SPRYD3: variants seen among roughly 807,000 people sequenced by gnomAD.
SPRYD3 encodes the protein SPRY domain-containing protein 3.
In SPRYD3, 17 loss-of-function variants were observed where a neutral mutation model predicts 50.1. The observed-to-expected ratio is 0.34, with a 90% CI of 0.23 to 0.51. The LOEUF (loss-of-function observed/expected upper bound fraction) is 0.51. Among genes scored for constraint, SPRYD3 ranks in the 20% least tolerant of loss-of-function variants. SPRYD3 has a pLI of 0.97. For synonymous variants in SPRYD3, 198 were observed against 215.5 expected, an observed-to-expected ratio of 0.92 and a Z score of 0.71; for missense variants, 401 against 591.2, an observed-to-expected ratio of 0.68 and a Z score of 3.34.
intron 5 of SPRYD3, among the ~76,000 whole-genome samples, chr12:53,073,843 CAA>C (rs1179115235): frequency 3.3e-4 from 21 of 63,574 alleles, no homozygotes; most frequent in Admixed American, 9.2e-4. Context: ...GACTCCATTT[CAA>C]AAAAAAAAAA....
chr12:53,066,085 G>T, intron 10 of SPRYD3, 119 bp from the exon 11 acceptor site: 1 of 1,423,570 alleles, frequency 7.0e-7, no homozygotes, highest in Non-Finnish European at 9.6e-7. Context: ...CTGGAGAGGG[G>T]CAGTTAAGGT....
chr12:53,072,415 C>G, intron 6 of SPRYD3, among the ~76,000 whole-genome samples: 1 of 152,104 alleles, frequency 6.6e-6, no homozygotes, highest in East Asian at 1.9e-4. Flanking sequence ...TTGAAAACAG[C>G]CTGGGTTGGG....
chr12:53,068,042 C>T (rs1237978543), intron 7 of SPRYD3, 113 bp downstream of exon 7: 1 of 1,236,492 alleles, frequency 8.1e-7, no homozygotes, highest in East Asian at 2.3e-5. Context: ...GCTTAGCACC[C>T]TCCCTCCAAA....
At position 53,075,870 on chromosome 12, in the gene SPRYD3, G is replaced by A. The variant is rs967491077; in HGVS notation, c.171-59C>T. ...AGCCTAGCCCAAGAGTAGGGGGAGG[G>A]CCTCAGCTTCTCCCACCCTTACCCT... On this transcript the variant is annotated intron_variant, in intron 2 of 10. Coordinates refer to ENST00000301463, the MANE Select transcript of SPRYD3 (RefSeq NM_032840.3). 3.6e-6 allele frequency: 5 copies of A among 1,384,808 alleles called. No homozygotes were observed. The Admixed American group carries it at 5.1e-5, about 14-fold the overall frequency. The allele number at this position is 1,384,808 out of a possible 1,614,324, so 85.8% of individuals were successfully genotyped here.
intron 2 of SPRYD3, 136 bp from the exon 3 acceptor site, chr12:53,075,947 C>A: frequency 1.4e-6 from 1 of 700,120 alleles, no homozygotes; most frequent in Non-Finnish European, 2.5e-6. Flanking sequence ...AGTACATCGG[C>A]AGACATCAGA....
chr12:53,068,716 G>T (rs1565617102), intron 6 of SPRYD3, among the ~76,000 whole-genome samples: 2 of 152,196 alleles, frequency 1.3e-5, no homozygotes, highest in Admixed American at 1.3e-4. Flanking sequence ...GAGGAAACTT[G>T]ATGACTTTCT....
intron 8 of SPRYD3, among the ~76,000 whole-genome samples, chr12:53,066,943 C>T (rs1334059490): frequency 6.6e-6 from 1 of 152,084 alleles, no homozygotes; most frequent in Non-Finnish European, 1.5e-5. Context: ...CGAAACATCT[C>T]TACTAAAAAT....
chr12:53,069,584 C>T (rs1026454395), intron 6 of SPRYD3, among the ~76,000 whole-genome samples: 1 of 152,208 alleles, frequency 6.6e-6, no homozygotes, highest in Non-Finnish European at 1.5e-5. Flanking sequence ...GGATCTCAGC[C>T]CCGCCACCTC....
chr12:53,072,400 C>T (rs1565617872), intron 6 of SPRYD3, among the ~76,000 whole-genome samples: 1 of 152,124 alleles, frequency 6.6e-6, no homozygotes, highest in Non-Finnish European at 1.5e-5. Context: ...TTATCAAAGA[C>T]TGAGTTGAAA....
At chr12:53,073,259 C>CCCGGGGGGGGGCG in intron 6 of SPRYD3, 27 bp downstream of exon 6, 1 of 400,932 alleles carries the variant, frequency 2.5e-6, no homozygotes, top group Non-Finnish European at 4.6e-6. Context: ...CGACCCAGCC[C>CCCGGGGGGGGGCG]CTCCCACCCT....
At chr12:53,073,255 A>AGCCCCCGGGGGGGGGGGGG in intron 6 of SPRYD3, 31 bp downstream of exon 6, 14 of 383,660 alleles carry the variant, frequency 3.6e-5, no homozygotes, top group Non-Finnish European at 4.9e-5. Context: ...CCTCCGACCC[A>AGCCCCCGGGGGGGGGGGGG]GCCCCTCCCA....
At position 53,074,786 on chromosome 12, in the gene SPRYD3, TACAG is replaced by T; in HGVS notation, c.372-6_372-3del. ...CCCTTGGCTCGGCCATTGTACAGCC[TACAG>T]ACAGAGTAGTACAGACACAGGACCC... On this transcript the variant is annotated splice_polypyrimidine_tract_variant and splice_region_variant and intron_variant, in intron 4 of 10. Coordinates refer to ENST00000301463, the MANE Select transcript of SPRYD3 (RefSeq NM_032840.3). The surrounding 1 kb of genome is among the most constrained non-coding windows in gnomAD (Gnocchi z 4.6). The T allele has an allele frequency of 6.2e-7, 1 of 1,614,208 alleles. No individual in the cohort carries two copies. Among genetic ancestry groups the T allele is most frequent in the Non-Finnish European group, 8.5e-7 (1 of 1,180,032 alleles).
Position 53,073,737 on chromosome 12 carries a change from G to A in SPRYD3, c.508-266C>T, listed in dbSNP as rs375649555. 9.9e-5 allele frequency among the ~76,000 whole-genome samples: 15 copies of A among 151,886 alleles called. No individual in the cohort carries two copies. The East Asian group carries it at 1.4e-3, about 14-fold the overall frequency. On this transcript the variant is annotated intron_variant, in intron 5 of 10. Coordinates refer to ENST00000301463, the MANE Select transcript of SPRYD3 (RefSeq NM_032840.3). ...CGGGCGCCTGTAGTCCCAGCTACTC[G>A]GGAGGCTGAGGCAGGAGAATGGCGT...
intron 1 of SPRYD3, among the ~76,000 whole-genome samples, chr12:53,077,818 C>A (rs1292294720): frequency 6.6e-6 from 1 of 152,140 alleles, no homozygotes; most frequent in Non-Finnish European, 1.5e-5. Context: ...AGATCATGGC[C>A]CTACAGACAA....
At position 53,069,820 on chromosome 12, in the gene SPRYD3, AGCC is replaced by A. The variant is rs571181953; in HGVS notation, c.694-1519_694-1517del. On this transcript the variant is annotated intron_variant, in intron 6 of 10. Transcript: ENST00000301463. ...AGTTTAGACTCCACCCAGGCAGAGC[AGCC>A]CCCAGCCCACCCTCTCCACCCAGCA... 7.3e-3 allele frequency among the ~76,000 whole-genome samples: 1,118 copies of A among 152,294 alleles called. 6 individuals are homozygous for A. Among genetic ancestry groups the A allele is most frequent in the Admixed American group, 0.013 (205 of 15,308 alleles).
chr12:53,077,336 G>A (rs1387958090), intron 1 of SPRYD3, 75 bp from the exon 2 acceptor site: 13 of 1,549,146 alleles, frequency 8.4e-6, no homozygotes, highest in Non-Finnish European at 1.1e-5. Flanking sequence ...GACCCAGAAG[G>A]TAGAGAAGGC....
chr12:53,072,769 C>A (rs1407051747), intron 6 of SPRYD3, among the ~76,000 whole-genome samples: 2 of 152,216 alleles, frequency 1.3e-5, no homozygotes, highest in Non-Finnish European at 2.9e-5. Context: ...CTCACTGAAT[C>A]TTTATCTGCC....
intron 6 of SPRYD3, among the ~76,000 whole-genome samples, chr12:53,069,978 A>C (rs959667091): frequency 1.3e-5 from 2 of 152,184 alleles, no homozygotes; most frequent in African/African-American, 2.4e-5. Flanking sequence ...GATCCTTGGG[A>C]AATACCCGGC....
intron 6 of SPRYD3, 28 bp downstream of exon 6, chr12:53,073,258 C>CCCGGGGGGGGGGGGGGGGG: frequency 2.5e-6 from 1 of 397,790 alleles, no homozygotes; most frequent in Admixed American, 4.5e-5. Flanking sequence ...CCGACCCAGC[C>CCCGGGGGGGGGGGGGGGGG]CCTCCCACCC....
Sources: allele counts gnomAD v4.1 joint callset (sites outside exome capture counted in the v4.1 genomes callset), GRCh38; gene constraint gnomAD v4.1.1; non-coding constraint Gnocchi (gnomAD v3.1); transcripts MANE v1.5; gene names NCBI Gene and HGNC (gene_info 2026-07-23, HGNC 2026-07-21).